EXOC6: variants seen among roughly 807,000 people sequenced by gnomAD.
EXOC6 encodes exocyst complex component 6.
EXOC6 carries 60 observed loss-of-function variants against 112.5 expected under a neutral mutation model. That is an observed-to-expected ratio of 0.53 (90% confidence interval 0.43 to 0.66). The LOEUF (loss-of-function observed/expected upper bound fraction) is 0.66. Ranked by LOEUF, EXOC6 falls within the 30% of genes least tolerant of loss-of-function variation. The pLI is 0.00. For synonymous variants in EXOC6, 295 were observed against 308.0 expected, an observed-to-expected ratio of 0.96 and a Z score of 0.44; for missense variants, 855 against 957.1, an observed-to-expected ratio of 0.89 and a Z score of 1.41.
intron 20 of EXOC6, among the ~76,000 whole-genome samples, chr10:93,038,554 CT>C (rs1249829522): frequency 2.6e-5 from 4 of 152,156 alleles, no homozygotes; most frequent in African/African-American, 4.8e-5. Flanking sequence ...AGCCAGCACT[CT>C]ACTTGAATGA....
At chr10:92,857,485 T>C (rs1847656649) in intron 1 of EXOC6, among the ~76,000 whole-genome samples, 1 of 152,170 alleles carries the variant, frequency 6.6e-6, no homozygotes, top group Admixed American at 6.5e-5. Flanking sequence ...TTTTAAAGTT[T>C]GTTATATTAA....
intron 1 of EXOC6, among the ~76,000 whole-genome samples, chr10:92,885,521 G>C (rs185577818): frequency 6.6e-6 from 1 of 151,976 alleles, no homozygotes; most frequent in East Asian, 1.9e-4. Flanking sequence ...CTGGGATACA[G>C]GTGTGCATCA....
At chr10:92,992,079 C>G (rs759716486) in intron 18 of EXOC6, among the ~76,000 whole-genome samples, 1 of 151,912 alleles carries the variant, frequency 6.6e-6, no homozygotes, top group Non-Finnish European at 1.5e-5. Flanking sequence ...CCCCTGGGGT[C>G]AGGAGTTCAA....
At chr10:92,858,196 G>C (rs1286824922) in intron 1 of EXOC6, among the ~76,000 whole-genome samples, 1 of 151,920 alleles carries the variant, frequency 6.6e-6, no homozygotes, top group Non-Finnish European at 1.5e-5. Context: ...TGATGTACCT[G>C]GATATGGATC....
chr10:92,929,202 C>T (rs1477036814), intron 9 of EXOC6, among the ~76,000 whole-genome samples: 1 of 152,188 alleles, frequency 6.6e-6, no homozygotes, highest in Non-Finnish European at 1.5e-5. Context: ...TCTAAAAATC[C>T]TTCTGTTCCC....
At chr10:92,934,008 C>A in intron 9 of EXOC6, 136 bp from the exon 10 acceptor site, 1 of 526,984 alleles carries the variant, frequency 1.9e-6, no homozygotes, top group Non-Finnish European at 3.4e-6. Context: ...CAGATATATC[C>A]CTGGTACCTA....
At chr10:92,911,641 A>G (rs1850768429) in intron 6 of EXOC6, among the ~76,000 whole-genome samples, 1 of 152,122 alleles carries the variant, frequency 6.6e-6, no homozygotes, top group South Asian at 2.1e-4. Flanking sequence ...TTGGTCCACT[A>G]TCATTTTTTC....
intron 19 of EXOC6, among the ~76,000 whole-genome samples, chr10:93,011,222 C>CAA (rs796882523): frequency 8.0e-5 from 9 of 112,704 alleles, no homozygotes; most frequent in African/African-American, 2.3e-4. Context: ...TTTTTGTGAC[C>CAA]AAAAAAAAAA....
At chr10:92,833,746 A>G (rs1018268923), upstream of EXOC6, among the ~76,000 whole-genome samples, 1 of 152,224 alleles carries the variant, frequency 6.6e-6, no homozygotes, top group Admixed American at 6.5e-5. Context: ...TCCTTTAAAT[A>G]TTGTATTTCT....
chr10:93,045,929 C>G lies in EXOC6; in HGVS notation c.2170-10995C>G, dbSNP rs149592222. On this transcript the variant is annotated intron_variant, in intron 20 of 21. Transcript: ENST00000260762. The stretch of plus-strand genomic sequence containing the variant: ...GTACGTCCTATGGCACAAATTAAAT[C>G]AATCAATAAATAGCCTAGTCTGGCT... Among the ~76,000 whole-genome samples, 933 of 152,282 alleles carry G rather than the reference C, an allele frequency of 6.1e-3. 8 individuals carry two copies. Among genetic ancestry groups the G allele is most frequent in the African/African-American group, 0.021 (881 of 41,578 alleles).
intron 17 of EXOC6, among the ~76,000 whole-genome samples, chr10:92,970,543 C>T (rs1350287969): frequency 6.6e-6 from 1 of 152,216 alleles, no homozygotes; most frequent in African/African-American, 2.4e-5. Context: ...CAGAGCTCAT[C>T]TTGCTACTAC....
intron 1 of EXOC6, among the ~76,000 whole-genome samples, chr10:92,874,163 C>CT (rs913653644): frequency 3.9e-5 from 6 of 152,032 alleles, no homozygotes; most frequent in African/African-American, 9.7e-5. Context: ...TAGCTACAGG[C>CT]TATAGCATTG....
chr10:93,016,129 A>G (rs1844498076), intron 20 of EXOC6, among the ~76,000 whole-genome samples: 1 of 152,012 alleles, frequency 6.6e-6, no homozygotes, highest in Non-Finnish European at 1.5e-5. Flanking sequence ...CTGTGATCCT[A>G]TATTTATTTG....
intron 1 of EXOC6, among the ~76,000 whole-genome samples, chr10:92,872,641 T>A (rs1418943023): frequency 6.6e-6 from 1 of 152,100 alleles, no homozygotes; most frequent in African/African-American, 2.4e-5. Flanking sequence ...TTCTGTTCGA[T>A]GAGATTGGTT....
chr10:92,940,217 G>T (rs1852578549), intron 12 of EXOC6, among the ~76,000 whole-genome samples: 1 of 152,132 alleles, frequency 6.6e-6, no homozygotes, highest in Non-Finnish European at 1.5e-5. Flanking sequence ...CCCGATATGG[G>T]TAAGATTTCA....
chr10:92,914,858 G>C (rs562430270), intron 6 of EXOC6, among the ~76,000 whole-genome samples: 4 of 152,316 alleles, frequency 2.6e-5, no homozygotes, highest in South Asian at 4.1e-4. Flanking sequence ...AAAACAGAGA[G>C]AATGTCTCGC....
chr10:93,050,339 C>G (rs537617171), intron 20 of EXOC6, among the ~76,000 whole-genome samples: 59 of 151,538 alleles, frequency 3.9e-4, no homozygotes, highest in African/African-American at 1.3e-3. Context: ...TCACTTGAGG[C>G]CAGGAGTTTG....
At chr10:92,855,349 A>G (rs946411123) in intron 1 of EXOC6, among the ~76,000 whole-genome samples, 2 of 152,096 alleles carry the variant, frequency 1.3e-5, no homozygotes, top group Non-Finnish European at 2.9e-5. Context: ...GGCATGTTCC[A>G]CCATGCCCAG....
At chr10:93,046,844 C>G (rs1051802987) in intron 20 of EXOC6, among the ~76,000 whole-genome samples, 1 of 152,052 alleles carries the variant, frequency 6.6e-6, no homozygotes, top group East Asian at 1.9e-4. Context: ...GTGGTCCGCC[C>G]ACCTCAGCCT....
Sources: gnomAD v4.1 joint callset for allele counts (sites outside exome capture counted in the v4.1 genomes callset) on GRCh38, gnomAD v4.1.1 for gene constraint, MANE v1.5 for transcripts, NCBI Gene and HGNC (gene_info 2026-07-23, HGNC 2026-07-21) for gene names.